Variants in JMJD7 observed in about 807,000 individuals in gnomAD.
The protein encoded by JMJD7 is bifunctional peptidase and (3S)-lysyl hydroxylase JMJD7.
Under a neutral mutation model 41.1 loss-of-function variants are expected in JMJD7, and 41 were observed. That is an observed-to-expected ratio of 1.00 (90% CI 0.78 to 1.30). The LOEUF (loss-of-function observed/expected upper bound fraction) is 1.30. JMJD7 is among the 50% of genes most tolerant of loss of function. JMJD7 has a pLI of 0.00. For synonymous variants in JMJD7, 202 were observed against 177.2 expected (o/e 1.14, Z -1.11); for missense variants, 480 against 420.7 (o/e 1.14, Z -1.23).
chr15:41,830,353 T>C (rs1467674715), intron 1 of JMJD7, among the ~76,000 whole-genome samples: 1 of 152,174 alleles, frequency 6.6e-6, no homozygotes, highest in Non-Finnish European at 1.5e-5. Context: ...ACTAGGCTCA[T>C]TTGTTTGGGG....
At chr15:41,832,670 G>C (rs137905324) in intron 1 of JMJD7, among the ~76,000 whole-genome samples, 6,266 of 152,272 alleles carry the variant, frequency 0.041, 206 homozygotes, top group Non-Finnish European at 0.066. Flanking sequence ...GCCCAGTGGG[G>C]TCTTCTCACT....
At position 41,836,941 on chromosome 15, in the gene JMJD7, G is replaced by A. The variant is rs772573281; in HGVS notation, c.862+1G>A. 1.1e-5 allele frequency: 18 copies of A among 1,612,572 alleles called. No individual in the cohort carries two copies. Among genetic ancestry groups the A allele is most frequent in the Non-Finnish European group, 1.5e-5 (18 of 1,179,092 alleles). The stretch of plus-strand genomic sequence containing the variant: ...CAGCAGTCCCAGGGCTGCATCGCAG[G>A]TGAAGAGTTGCCCAGGCCGCCTGGG... On this transcript the variant is annotated splice_donor_variant, in intron 7 of 7. Coordinates refer to ENST00000397299, the MANE Select transcript of JMJD7 (RefSeq NM_001114632.2). LOFTEE classifies it high-confidence loss of function.
In JMJD7 at chr15:41,828,114, C is replaced by A. The variant is rs569606207; in HGVS notation, c.-11C>A. On this transcript the variant is annotated 5_prime_UTR_variant, in exon 1 of 8. In the 5' UTR this introduces an upstream ATG that the reference lacks. Coordinates refer to ENST00000397299, the MANE Select transcript of JMJD7 (RefSeq NM_001114632.2). ...GGGAAAGGCGGGGTCTCGGCCGGCG[C>A]TGACGCAGCCATGGCGGAGGCGGCT... 2.1e-5 allele frequency: 30 copies of A among 1,446,800 alleles called. No homozygotes were observed. In the East Asian group the frequency reaches 7.3e-4, roughly 35 times the overall value. 89.6% of individuals were successfully genotyped at this position (1,446,800 alleles called of 1,614,324 possible). A position where few individuals can be genotyped will look rare whatever the true frequency, so the allele number is the denominator to read the frequency against.
intron 5 of JMJD7, 95 bp from the exon 6 acceptor site, chr15:41,836,380 C>A: frequency 6.4e-7 from 1 of 1,556,212 alleles, no homozygotes; most frequent in East Asian, 2.4e-5. Flanking sequence ...CCCCTGATCC[C>A]CTTGCCCCTG....
chr15:41,836,959 C>A lies in JMJD7; in HGVS notation c.862+19C>A. The A allele has an allele frequency of 1.2e-6, 2 of 1,611,016 alleles. No homozygotes were observed. Among genetic ancestry groups the A allele is most frequent in the Non-Finnish European group, 1.7e-6 (2 of 1,177,816 alleles). ...ATCGCAGGTGAAGAGTTGCCCAGGC[C>A]GCCTGGGGAGAGGCCCTGTCAAGGT... On this transcript the variant is annotated intron_variant, in intron 7 of 7. Transcript: ENST00000397299.
At chr15:41,836,026 C>G in intron 4 of JMJD7, 122 bp from the exon 5 acceptor site, 1 of 1,059,428 alleles carries the variant, frequency 9.4e-7, no homozygotes, top group Non-Finnish European at 1.3e-6. Context: ...CCCACTGGCT[C>G]TGTGCGTGCT....
In JMJD7 at chr15:41,837,127, TCC is replaced by T; in HGVS notation, c.924_925del (p.Leu309HisfsTer7). 1 of 1,613,152 alleles carries T rather than the reference TCC, an allele frequency of 6.2e-7. No individual in the cohort carries two copies. The highest frequency in any genetic ancestry group is 8.5e-7 in the Non-Finnish European group (1 of 1,179,496). On this transcript the variant is annotated frameshift_variant, in exon 8 of 8. Transcript: ENST00000397299. LOFTEE classifies it high-confidence loss of function. ...LKYSYFQLLD[S>X]LTKASGLD ...GTATAGTTACTTCCAGCTGCTCGAC[TCC>T]CTCACCAAGGCTTCAGGCCTTGACT...
rs377655968 is a variant in JMJD7, at chr15:41,834,860, C to T, written c.185C>T (p.Pro62Leu). 1.2e-4 allele frequency: 193 copies of T among 1,614,096 alleles called. 1 individual carries two copies. The highest frequency in any genetic ancestry group is 1.4e-4 in the Non-Finnish European group (170 of 1,180,046). The change falls in exon 2 of 8, where the codon CCG becomes CTG. Residue 62 changes from proline (P) to leucine (L), a missense_variant. Transcript: ENST00000397299. ...ATCCGCAACGCTCTGCAGCACTGGC[C>T]GGCCCTCCAGAAGTGGTCCCTCCCC... Reference protein sequence around the residue: ...CIIRNALQHWPALQKWSLPYF... With the variant: ...CIIRNALQHWLALQKWSLPYF...
chr15:41,833,415 T>TATATATATATATATA (rs1555457127), intron 1 of JMJD7, among the ~76,000 whole-genome samples: 14 of 23,292 alleles, frequency 6.0e-4, no homozygotes, highest in Non-Finnish European at 7.6e-4. Context: ...TATATATATA[T>TATATATATATATATA]TTTTTTTTTT....
rs752143192 is a variant in JMJD7, at chr15:41,836,849, G to T, written c.771G>T (p.Gln257His). 2.5e-6 allele frequency: 4 copies of T among 1,613,234 alleles called. No homozygotes were observed. In the South Asian group the frequency reaches 3.3e-5, roughly 13 times the overall value. Residue 257 changes from glutamine (Q) to histidine (H), a missense_variant, in exon 7 of 8, where the codon CAG (glutamine) becomes CAT (histidine). Transcript: ENST00000397299. ...LARYPSYSQA[Q>H]ALRCTVRAGE... is the part of the protein sequence containing the mutation. Reference sequence around the variant, plus strand: ...GGTACCCTAGTTACAGTCAGGCCCAGGCCCTTCGCTGCACGGTGCGGGCCG... The same window carrying T: ...GGTACCCTAGTTACAGTCAGGCCCATGCCCTTCGCTGCACGGTGCGGGCCG...
intron 1 of JMJD7, among the ~76,000 whole-genome samples, chr15:41,832,080 G>T (rs2065237043): frequency 6.6e-6 from 1 of 152,174 alleles, no homozygotes; most frequent in Non-Finnish European, 1.5e-5. Context: ...GCTGCTTATG[G>T]TACACCTGGT....
chr15:41,835,245 G>C (rs2241523), intron 3 of JMJD7, 22 bp downstream of exon 3: 843,336 of 1,588,196 alleles, frequency 0.53, 225,877 homozygotes, highest in South Asian at 0.57. Flanking sequence ...TGGGGTGGTC[G>C]TGGCCCTGGA....
At chr15:41,833,848 A>G (rs1274708741) in intron 1 of JMJD7, among the ~76,000 whole-genome samples, 1 of 152,160 alleles carries the variant, frequency 6.6e-6, no homozygotes, top group Non-Finnish European at 1.5e-5. Context: ...AAGTCTTATC[A>G]ATGTGATATT....
chr15:41,833,313 C>T (rs895414192), intron 1 of JMJD7, among the ~76,000 whole-genome samples: 2 of 147,496 alleles, frequency 1.4e-5, no homozygotes, highest in African/African-American at 2.5e-5. Flanking sequence ...CATCAGTGAA[C>T]AGACAACTGT....
rs2065345112 is a variant in JMJD7, at chr15:41,837,534, C to T, written c.*378C>T. 1 of 239,952 alleles carries T rather than the reference C, an allele frequency of 4.2e-6. No homozygotes were observed. The highest frequency in any genetic ancestry group is 5.4e-5 in the Admixed American group (1 of 18,570). The allele number at this position is 239,952 out of a possible 1,614,324, so 14.9% of individuals were successfully genotyped here. ...GCTTGGAGATGATGTCTATGAGGAC[C>T]AGCATGGAGCTGGCACACAGGACAT... On this transcript the variant is annotated 3_prime_UTR_variant, in exon 8 of 8. Coordinates refer to ENST00000397299, the MANE Select transcript of JMJD7 (RefSeq NM_001114632.2).
chr15:41,833,412 A>ATTTTTTTTTT (rs1430293088), intron 1 of JMJD7, among the ~76,000 whole-genome samples: 25 of 41,916 alleles, frequency 6.0e-4, no homozygotes, highest in Non-Finnish European at 1.3e-3. Context: ...ATATATATAT[A>ATTTTTTTTTT]TATTTTTTTT....
intron 1 of JMJD7, among the ~76,000 whole-genome samples, chr15:41,833,389 A>AATATATATATATATATATATATAT (rs1567164757): frequency 1.9e-5 from 2 of 103,520 alleles, no homozygotes; most frequent in African/African-American, 7.3e-5. Context: ...ATGTAGGTGA[A>AATATATATATATATATATATATAT]ATACATATAT....
chr15:41,833,410 A>G (rs1173155790), intron 1 of JMJD7, among the ~76,000 whole-genome samples: 1 of 39,714 alleles, frequency 2.5e-5, no homozygotes, highest in Non-Finnish European at 5.8e-5. Context: ...ATATATATAT[A>G]TATATTTTTT....
rs55860712 is a variant in JMJD7 at position 41,833,393 on chromosome 15, CATAT to C, written c.65-1328_65-1325del. 6.1e-3 allele frequency among the ~76,000 whole-genome samples: 309 copies of C among 50,538 alleles called. 10 individuals are homozygous for C. The highest frequency in any genetic ancestry group is 0.016 in the African/African-American group (232 of 14,758). 33.2% of individuals were successfully genotyped at this position (50,538 alleles called of 152,430 possible). On this transcript the variant is annotated intron_variant, in intron 1 of 7. Coordinates refer to ENST00000397299, the MANE Select transcript of JMJD7 (RefSeq NM_001114632.2). ...ATAAACAGTTTATGTAGGTGAAATACATATATATATATATATATATATTTTTTTT... is the reference window on the plus strand; with the variant it reads ...ATAAACAGTTTATGTAGGTGAAATACATATATATATATATATATTTTTTTT...
Sources: allele counts gnomAD v4.1 joint callset (sites outside exome capture counted in the v4.1 genomes callset), GRCh38; gene constraint gnomAD v4.1.1; transcripts MANE v1.5; gene names NCBI Gene and HGNC (gene_info 2026-07-23, HGNC 2026-07-21).